The following TYW1B variants were observed in gnomAD, a reference collection of about 807,000 sequenced individuals.
The protein encoded by TYW1B is S-adenosyl-L-methionine-dependent tRNA 4-demethylwyosine synthase TYW1B.
In TYW1B, 73 loss-of-function variants were observed where a neutral mutation model predicts 86.9. That is an observed-to-expected ratio of 0.84 (90% CI 0.70 to 1.02). TYW1B has a LOEUF of 1.02. Ranked by LOEUF, TYW1B falls within the 50% of genes least tolerant of loss-of-function variation. The pLI is 0.00. For missense variants in TYW1B, 637 were observed against 827.4 expected (o/e 0.77, Z 2.82); for synonymous variants, 248 against 292.8 (o/e 0.85, Z 1.56).
At chr7:72,782,159 C>T (rs148851778) in intron 6 of TYW1B, among the ~76,000 whole-genome samples, 5 of 151,950 alleles carry the variant, frequency 3.3e-5, no homozygotes, top group African/African-American at 9.7e-5. Flanking sequence ...TGTGGTGGCA[C>T]GTGCCTGTCA....
At chr7:72,776,556 C>CAAAAAAAAAA (rs67553013) in intron 7 of TYW1B, among the ~76,000 whole-genome samples, 2 of 45,242 alleles carry the variant, frequency 4.4e-5, no homozygotes, top group Admixed American at 3.8e-4. Context: ...GACTCTGTCT[C>CAAAAAAAAAA]AAAAAAAAAA....
rs1181410788 is a variant in TYW1B, at chr7:72,647,378, A to T, written c.1507-18381T>A. On this transcript the variant is annotated intron_variant, in intron 11 of 13. Transcript: ENST00000620995. ...AATGTAGCCTATGGACATGATGAAA[A>T]TTATGAACAAAGACTGATGAATAAG... Among the ~76,000 whole-genome samples the T allele has an allele frequency of 1.8e-4, 27 of 152,368 alleles. 1 individual carries two copies. In the East Asian group the frequency reaches 2.7e-3, roughly 15 times the overall value.
At chr7:72,644,888 C>T (rs1332904879) in intron 11 of TYW1B, among the ~76,000 whole-genome samples, 7 of 149,518 alleles carry the variant, frequency 4.7e-5, no homozygotes, top group South Asian at 4.3e-4. Context: ...AGTGCAGTGC[C>T]GCGATCTCGG....
Position 72,702,248 on chromosome 7 carries a change from A to C in TYW1B, c.1371-7426T>G, listed in dbSNP as rs182795246. Among the ~76,000 whole-genome samples the C allele has an allele frequency of 4.5e-3, 681 of 152,196 alleles. 5 individuals carry two copies. The highest frequency in any genetic ancestry group is 0.016 in the African/African-American group (645 of 41,536). On this transcript the variant is annotated intron_variant, in intron 10 of 13. Transcript: ENST00000620995. ...AAATAAAGACAACCCCTGTGAGAGA[A>C]AGTTTCCAGGTTTGCCATACAAGTC...
intron 10 of TYW1B, among the ~76,000 whole-genome samples, chr7:72,711,068 C>A (rs1385487631): frequency 6.6e-6 from 1 of 152,092 alleles, no homozygotes; most frequent in Non-Finnish European, 1.5e-5. Flanking sequence ...ACAGATAAGA[C>A]CCCTGGGGCA....
intron 11 of TYW1B, among the ~76,000 whole-genome samples, chr7:72,681,144 G>A (rs1449265194): frequency 3.9e-5 from 6 of 152,282 alleles, no homozygotes; most frequent in African/African-American, 1.4e-4. Context: ...AACCTTGGTA[G>A]CCTTGTTTCA....
intron 13 of TYW1B, among the ~76,000 whole-genome samples, chr7:72,582,133 C>T (rs1811169185): frequency 1.4e-5 from 2 of 146,868 alleles, no homozygotes. Flanking sequence ...TAAAACTTTT[C>T]TTTTTAGTAG....
intron 11 of TYW1B, among the ~76,000 whole-genome samples, chr7:72,652,860 A>T (rs1330820109): frequency 6.6e-6 from 1 of 152,238 alleles, no homozygotes; most frequent in Admixed American, 6.5e-5. Context: ...AAACTTTACA[A>T]CTGTAGCCTC....
chr7:72,804,038 A>C (rs536003215), intron 5 of TYW1B, among the ~76,000 whole-genome samples: 1 of 152,104 alleles, frequency 6.6e-6, no homozygotes, highest in East Asian at 1.9e-4. Context: ...TAATCCCAGC[A>C]CTTTGGGAGG....
In TYW1B at chr7:72,705,330, A is replaced by C. The variant is rs531602150; in HGVS notation, c.1370+8291T>G. Among the ~76,000 whole-genome samples, 66 of 152,362 alleles carry C rather than the reference A, an allele frequency of 4.3e-4. 3 individuals are homozygous for C. In the South Asian group the frequency reaches 0.014, roughly 32 times the overall value. On this transcript the variant is annotated intron_variant, in intron 10 of 13. Coordinates refer to ENST00000620995, the MANE Select transcript of TYW1B (RefSeq NM_001145440.3). ...TGTCTCAGCAAAAACTAGAGAAAAA[A>C]CACAAAGCAAACAAAACAGAAATAC... is the stretch of plus-strand genomic sequence containing the variant.
At chr7:72,759,833 T>C (rs928964655) in intron 7 of TYW1B, among the ~76,000 whole-genome samples, 3 of 152,176 alleles carry the variant, frequency 2.0e-5, no homozygotes, top group African/African-American at 7.2e-5. Context: ...TTTAGAAATA[T>C]AAATTTAGGT....
At chr7:72,731,802 C>G (rs572407795) in intron 8 of TYW1B, among the ~76,000 whole-genome samples, 1 of 152,086 alleles carries the variant, frequency 6.6e-6, no homozygotes, top group East Asian at 1.9e-4. Context: ...ATTAGCCAGG[C>G]GTGGTGGTGG....
At chr7:72,760,450 T>A (rs963472206) in intron 7 of TYW1B, among the ~76,000 whole-genome samples, 10 of 152,328 alleles carry the variant, frequency 6.6e-5, no homozygotes, top group African/African-American at 2.4e-4. Flanking sequence ...CCAGTGAGTT[T>A]GTATTATAAT....
intron 12 of TYW1B, among the ~76,000 whole-genome samples, chr7:72,621,803 A>G (rs1812223911): frequency 1.3e-5 from 2 of 152,218 alleles, no homozygotes; most frequent in South Asian, 4.1e-4. Context: ...TTTCATTCAC[A>G]TGACTCAGGA....
At chr7:72,728,302 TTTTA>T (rs1204788775) in intron 9 of TYW1B, among the ~76,000 whole-genome samples, 2 of 152,082 alleles carry the variant, frequency 1.3e-5, no homozygotes, top group Non-Finnish European at 2.9e-5. Flanking sequence ...TTGCTAAACT[TTTTA>T]TTTATTTATT....
chr7:72,598,570 T>C (rs1213060896), intron 13 of TYW1B, among the ~76,000 whole-genome samples: 1 of 152,136 alleles, frequency 6.6e-6, no homozygotes, highest in African/African-American at 2.4e-5. Flanking sequence ...AGAAGAAGTT[T>C]TAAAAAGTAA....
chr7:72,619,413 G>T (rs1336769088), intron 12 of TYW1B, among the ~76,000 whole-genome samples: 1 of 151,732 alleles, frequency 6.6e-6, no homozygotes, highest in South Asian at 2.1e-4. Flanking sequence ...AGGCCGAGGC[G>T]GGTGGATCAT....
intron 11 of TYW1B, among the ~76,000 whole-genome samples, chr7:72,682,803 C>T (rs35014206): frequency 1.3e-5 from 2 of 152,142 alleles, no homozygotes; most frequent in Non-Finnish European, 2.9e-5. Context: ...CAGAGACCAG[C>T]GCCAACACAG....
At chr7:72,691,663 C>T (rs1420349337) in intron 11 of TYW1B, among the ~76,000 whole-genome samples, 2 of 152,186 alleles carry the variant, frequency 1.3e-5, no homozygotes, top group African/African-American at 4.8e-5. Flanking sequence ...ACTTTGCAAG[C>T]TCCTGCTGTT....
Sources: gnomAD v4.1 joint callset for allele counts (sites outside exome capture counted in the v4.1 genomes callset) on GRCh38, gnomAD v4.1.1 for gene constraint, MANE v1.5 for transcripts, NCBI Gene and HGNC (gene_info 2026-07-23, HGNC 2026-07-21) for gene names.